The following TMOD2 variants were observed in gnomAD, a reference collection of about 807,000 sequenced individuals.
The protein encoded by TMOD2 is tropomodulin 2.
A neutral mutation model predicts 39.9 loss-of-function variants in TMOD2; 22 were observed. The observed-to-expected ratio is 0.55, with a 90% CI of 0.39 to 0.79. The LOEUF (loss-of-function observed/expected upper bound fraction) is 0.79, where lower values mean the gene tolerates loss of function less well. TMOD2 is among the 30% of genes least tolerant of loss of function. The pLI is 0.00. For synonymous variants in TMOD2, 123 were observed against 146.1 expected (o/e 0.84, Z 1.14); for missense variants, 386 against 413.3 (o/e 0.93, Z 0.57).
intron 1 of TMOD2, among the ~76,000 whole-genome samples, chr15:51,760,686 A>T (rs1039873894): frequency 7.2e-5 from 11 of 152,088 alleles, no homozygotes; most frequent in Admixed American, 7.2e-4. Flanking sequence ...CATGCCTGTA[A>T]TCGCAGCTAC....
At chr15:51,759,419 T>C (rs2055764178) in intron 1 of TMOD2, among the ~76,000 whole-genome samples, 2 of 152,144 alleles carry the variant, frequency 1.3e-5, no homozygotes, top group African/African-American at 4.8e-5. Flanking sequence ...ATAATTAAAA[T>C]TTTGGAGGCA....
intron 1 of TMOD2, among the ~76,000 whole-genome samples, chr15:51,764,123 C>T (rs967417751): frequency 8.7e-5 from 13 of 150,088 alleles, no homozygotes; most frequent in African/African-American, 3.2e-4. Context: ...CTCATCTCTA[C>T]AAAAAAAAAT....
At position 51,809,500 on chromosome 15, in the gene TMOD2, TC is replaced by T. The variant is rs1309960252; in HGVS notation, c.*1048del. 4 of 152,308 alleles carry T rather than the reference TC, an allele frequency of 2.6e-5. No individual in the cohort carries two copies. The highest frequency in any genetic ancestry group is 9.6e-5 in the African/African-American group (4 of 41,474). The allele number at this position is 152,308 out of a possible 1,614,324, so 9.4% of individuals were successfully genotyped here. A position where few individuals can be genotyped will look rare whatever the true frequency, so the allele number is the denominator to read the frequency against. On this transcript the variant is annotated 3_prime_UTR_variant, in exon 10 of 10. Coordinates refer to ENST00000249700, the MANE Select transcript of TMOD2 (RefSeq NM_014548.4). ...TCAGGAGAAAAATGTGAATTATTTA[TC>T]CAGATGCATGTCATCTCAAGGACAA...
At chr15:51,782,948 T>C in intron 7 of TMOD2, 120 bp downstream of exon 7, 1 of 808,690 alleles carries the variant, frequency 1.2e-6, no homozygotes, top group East Asian at 2.6e-5. Context: ...ACACAGTTAG[T>C]GAGCAAAATT....
chr15:51,799,136 G>C (rs905105100), intron 8 of TMOD2, among the ~76,000 whole-genome samples: 1 of 152,286 alleles, frequency 6.6e-6, no homozygotes. Flanking sequence ...GTAGAGCCCT[G>C]CTCCTCTGGC....
rs1567241295 is a variant in TMOD2 at position 51,782,808 on chromosome 15, A to G, written c.712A>G (p.Ser238Gly). 1 of 1,614,076 alleles carries G rather than the reference A, an allele frequency of 6.2e-7. No individual in the cohort carries two copies. Among genetic ancestry groups the G allele is most frequent in the Non-Finnish European group, 8.5e-7 (1 of 1,179,928 alleles). The change falls in exon 7 of 10, where the codon AGC becomes GGC. Residue 238 changes from serine (S) to glycine (G), a missense_variant. Transcript: ENST00000249700. ...VKKFSLAATR[S>G]NDPVAIAFAD... ...GAAGTTCAGCCTGGCCGCAACTCGC[A>G]GCAATGACCCTGTGGCCATTGTGAG...
intron 5 of TMOD2, 143 bp from the exon 6 acceptor site, chr15:51,780,901 C>G (rs944304515): frequency 1.5e-6 from 1 of 652,202 alleles, no homozygotes; most frequent in Non-Finnish European, 2.6e-6. Flanking sequence ...CCCATGCTTG[C>G]TTAGCTGAGA....
chr15:51,777,253 G>A (rs1298207585), intron 5 of TMOD2, among the ~76,000 whole-genome samples: 22 of 152,184 alleles, frequency 1.4e-4, no homozygotes, highest in Admixed American at 1.4e-3. Flanking sequence ...GGTCTGTTTA[G>A]TCAGAAGATG....
chr15:51,777,020 T>G lies in TMOD2; in HGVS notation c.493+2T>G. On this transcript the variant is annotated splice_donor_variant, in intron 5 of 9. Transcript: ENST00000249700. LOFTEE classifies it high-confidence loss of function. ...AAGGTGGCAAAGGACCTGTCAGAAG[T>G]AAGTTGATGTGCAATCTGTGGTTTT... 6.2e-7 allele frequency: 1 copy of G among 1,613,310 alleles called. No individual in the cohort carries two copies. The highest frequency in any genetic ancestry group is 8.5e-7 in the Non-Finnish European group (1 of 1,179,392).
chr15:51,796,124 C>T (rs1330134620), intron 7 of TMOD2, among the ~76,000 whole-genome samples: 1 of 151,690 alleles, frequency 6.6e-6, no homozygotes, highest in Non-Finnish European at 1.5e-5. Context: ...TTGTATAATC[C>T]AGGATCATTT....
rs201813638 is a variant in TMOD2, at chr15:51,807,266, A to T, written c.1021+745A>T. 2.6e-5 allele frequency among the ~76,000 whole-genome samples: 4 copies of T among 152,320 alleles called. No individual in the cohort carries two copies. The East Asian group carries it at 5.8e-4, about 22-fold the overall frequency. ...GGACAGAATGCCAGATCTTGGATGG[A>T]GGAACTGGGCAAGGCGTTCCACCAG... On this transcript the variant is annotated intron_variant, in intron 9 of 9. Coordinates refer to ENST00000249700, the MANE Select transcript of TMOD2 (RefSeq NM_014548.4).
intron 7 of TMOD2, among the ~76,000 whole-genome samples, chr15:51,794,723 G>A (rs1287444041): frequency 2.6e-5 from 4 of 152,110 alleles, no homozygotes; most frequent in Non-Finnish European, 4.4e-5. Context: ...TAGAAAACCA[G>A]TAATATACAG....
Position 51,776,497 on chromosome 15 carries a change from G to A in TMOD2, c.407-435G>A, listed in dbSNP as rs542670268. Reference sequence around the variant, plus strand: ...GAGACAATTATATTTGGTACTAAGAGATGAGGAGGCTGACATTGAAAGAGG... The same window carrying A: ...GAGACAATTATATTTGGTACTAAGAAATGAGGAGGCTGACATTGAAAGAGG... On this transcript the variant is annotated intron_variant, in intron 4 of 9. Coordinates refer to ENST00000249700, the MANE Select transcript of TMOD2 (RefSeq NM_014548.4). Among the ~76,000 whole-genome samples, 5 of 152,282 alleles carry A rather than the reference G, an allele frequency of 3.3e-5. No individual in the cohort carries two copies. In the South Asian group the frequency reaches 1.0e-3, roughly 32 times the overall value.
intron 6 of TMOD2, among the ~76,000 whole-genome samples, chr15:51,781,690 A>T (rs573581025): frequency 6.6e-6 from 1 of 152,328 alleles, no homozygotes; most frequent in East Asian, 1.9e-4. Flanking sequence ...CAGAGAGATG[A>T]GAAAGCAGGA....
chr15:51,760,929 T>A (rs1456856277), intron 1 of TMOD2, among the ~76,000 whole-genome samples: 1 of 152,182 alleles, frequency 6.6e-6, no homozygotes, highest in Non-Finnish European at 1.5e-5. Flanking sequence ...TGATTCTGCC[T>A]ACCACAGAGA....
rs531511324 is a variant in TMOD2 at position 51,776,012 on chromosome 15, C to T, written c.407-920C>T. 1.4e-4 allele frequency among the ~76,000 whole-genome samples: 21 copies of T among 152,306 alleles called. No homozygotes were observed. The East Asian group carries it at 3.7e-3, about 27-fold the overall frequency. On this transcript the variant is annotated intron_variant, in intron 4 of 9. Coordinates refer to ENST00000249700, the MANE Select transcript of TMOD2 (RefSeq NM_014548.4). ...TTTTACAGATGAGGAAACGGAGACT[C>T]GGGCATTTAACAACTTCCCAAGTCA...
chr15:51,764,295 C>T (rs1014001606), intron 1 of TMOD2, among the ~76,000 whole-genome samples: 1 of 152,008 alleles, frequency 6.6e-6, no homozygotes, highest in Non-Finnish European at 1.5e-5. Flanking sequence ...CCAGCCTGGG[C>T]AACAGAGGGA....
rs2056187488 is a variant in TMOD2, at chr15:51,816,199, A to C, written c.*7745A>C. On this transcript the variant is annotated 3_prime_UTR_variant, in exon 10 of 10. Coordinates refer to ENST00000249700, the MANE Select transcript of TMOD2 (RefSeq NM_014548.4). ...ATAGGTGCAATTTTTAATCCTTTGA[A>C]ATTAGCCAGCCAGACCTAATGCTAA... 6.6e-6 allele frequency: 1 copy of C among 152,208 alleles called. No individual in the cohort carries two copies. The highest frequency in any genetic ancestry group is 2.4e-5 in the African/African-American group (1 of 41,454). The allele number at this position is 152,208 out of a possible 1,614,324, so 9.4% of individuals were successfully genotyped here. A position where few individuals can be genotyped will look rare whatever the true frequency, so the allele number is the denominator to read the frequency against.
Position 51,806,455 on chromosome 15 carries a change from T to C in TMOD2, c.955T>C (p.Tyr319His). Residue 319 changes from tyrosine (Y) to histidine (H), a missense_variant, in exon 9 of 10, where the codon TAC becomes CAC. By Grantham distance (83) the Tyr-to-His change is moderately conservative. Coordinates refer to ENST00000249700, the MANE Select transcript of TMOD2 (RefSeq NM_014548.4). ...GAATTCAAGGATCCTCAAGTTTGGA[T>C]ACCAGTTTACCAAGCAAGGGCCACG... Reference protein sequence around the residue: ...EENSRILKFGYQFTKQGPRTR... With the variant: ...EENSRILKFGHQFTKQGPRTR... 1 of 1,614,200 alleles carries C rather than the reference T, an allele frequency of 6.2e-7. No homozygotes were observed. Among genetic ancestry groups the C allele is most frequent in the Non-Finnish European group, 8.5e-7 (1 of 1,180,024 alleles).
Sources: allele counts gnomAD v4.1 joint callset (sites outside exome capture counted in the v4.1 genomes callset), GRCh38; gene constraint gnomAD v4.1.1; transcripts MANE v1.5; gene names NCBI Gene and HGNC (gene_info 2026-07-23, HGNC 2026-07-21).